Variants in KCNQ5 observed in about 807,000 individuals in gnomAD.
The protein encoded by KCNQ5 is potassium voltage-gated channel subfamily Q member 5, also known as potassium voltage-gated channel subfamily KQT member 5.
Under a neutral mutation model 98.2 loss-of-function variants are expected in KCNQ5, and 30 were observed. The ratio of observed to expected loss-of-function variants is 0.31; its 90% CI spans 0.23 to 0.41. The LOEUF is 0.41. Ranked by LOEUF, KCNQ5 falls within the 10% of genes least tolerant of loss-of-function variation. The pLI, the probability that KCNQ5 is intolerant of heterozygous loss-of-function variation, is 1.00. For synonymous variants in KCNQ5, 458 were observed against 449.4 expected (o/e 1.02, Z -0.24); for missense variants, 835 against 1,182.5 (o/e 0.71, Z 4.31).
At chr6:73,154,911 A>G (rs957487607) in intron 10 of KCNQ5, among the ~76,000 whole-genome samples, 5 of 152,232 alleles carry the variant, frequency 3.3e-5, no homozygotes, top group Non-Finnish European at 5.9e-5. Context: ...AAAATTAACC[A>G]TAGTACAACA....
intron 8 of KCNQ5, 131 bp from the exon 9 acceptor site, chr6:73,124,355 T>G: frequency 1.3e-6 from 1 of 774,648 alleles, no homozygotes; most frequent in Non-Finnish European, 2.2e-6. Context: ...GAACACTGCT[T>G]TTGTGGATCT....
At chr6:72,863,109 C>T (rs1212967487) in intron 1 of KCNQ5, among the ~76,000 whole-genome samples, 2 of 152,116 alleles carry the variant, frequency 1.3e-5, no homozygotes, top group Non-Finnish European at 2.9e-5. Flanking sequence ...TAAACGTACC[C>T]TGTAAAGTGT....
At chr6:73,044,683 T>C (rs1771881939) in intron 3 of KCNQ5, among the ~76,000 whole-genome samples, 1 of 152,220 alleles carries the variant, frequency 6.6e-6, no homozygotes, top group African/African-American at 2.4e-5. Flanking sequence ...ATAAAAACGC[T>C]TGATGTAACT....
At chr6:73,148,353 A>T (rs1777003218) in intron 10 of KCNQ5, among the ~76,000 whole-genome samples, 1 of 152,192 alleles carries the variant, frequency 6.6e-6, no homozygotes, top group Non-Finnish European at 1.5e-5. Flanking sequence ...ACTCAGTGTA[A>T]ATGGGGTCTT....
intron 3 of KCNQ5, among the ~76,000 whole-genome samples, chr6:73,048,862 T>A (rs1244163015): frequency 1.3e-5 from 2 of 152,206 alleles, no homozygotes; most frequent in Admixed American, 6.5e-5. Context: ...AGTAAGCAGT[T>A]CCTAAGATCC....
At chr6:73,151,303 T>C (rs748399315) in intron 10 of KCNQ5, among the ~76,000 whole-genome samples, 1 of 152,242 alleles carries the variant, frequency 6.6e-6, no homozygotes, top group Non-Finnish European at 1.5e-5. Flanking sequence ...GATATTTACA[T>C]ATCTCCATAT....
At chr6:72,680,496 C>G (rs761335850) in intron 1 of KCNQ5, among the ~76,000 whole-genome samples, 2 of 152,120 alleles carry the variant, frequency 1.3e-5, no homozygotes, top group South Asian at 4.1e-4. Flanking sequence ...GCAGGAATAC[C>G]ATCCATGCTA....
intron 1 of KCNQ5, among the ~76,000 whole-genome samples, chr6:72,695,077 A>G (rs1768413080): frequency 6.6e-6 from 1 of 152,132 alleles, no homozygotes; most frequent in African/African-American, 2.4e-5. Flanking sequence ...TCCATGATAT[A>G]TATACATATA....
At chr6:73,081,896 A>G (rs1773788664) in intron 5 of KCNQ5, among the ~76,000 whole-genome samples, 1 of 152,204 alleles carries the variant, frequency 6.6e-6, no homozygotes, top group Non-Finnish European at 1.5e-5. Flanking sequence ...TTTCTGAGGA[A>G]GAATTCCTGA....
At chr6:73,157,960 G>C in intron 10 of KCNQ5, 1 of 766,706 alleles carries the variant, frequency 1.3e-6, no homozygotes, top group East Asian at 2.4e-5. Context: ...GTGAGCTTGA[G>C]TAGGGACTCT....
At chr6:72,680,712 C>A (rs527832262) in intron 1 of KCNQ5, among the ~76,000 whole-genome samples, 68 of 152,258 alleles carry the variant, frequency 4.5e-4, no homozygotes, top group African/African-American at 1.5e-3. Context: ...AATTCATTGT[C>A]TAGAACTCCC....
At chr6:73,018,287 T>C (rs1229084458) in intron 2 of KCNQ5, among the ~76,000 whole-genome samples, 3 of 151,998 alleles carry the variant, frequency 2.0e-5, no homozygotes, top group South Asian at 4.2e-4. Context: ...CCTACAGCGG[T>C]GGAGAATTGG....
In KCNQ5 at chr6:72,872,635, T is replaced by C. The variant is rs75015619; in HGVS notation, c.399-131273T>C. Among the ~76,000 whole-genome samples the C allele has an allele frequency of 6.2e-3, 951 of 152,218 alleles. 9 individuals carry two copies. The highest frequency in any genetic ancestry group is 0.02 in the African/African-American group (839 of 41,540). ...AATTCAGCCAAGGTCACACAACTGGTAATTCTTAGAGCCAGGATTTGAACC... is the reference window on the plus strand; with the variant it reads ...AATTCAGCCAAGGTCACACAACTGGCAATTCTTAGAGCCAGGATTTGAACC... On this transcript the variant is annotated intron_variant, in intron 1 of 13. Transcript: ENST00000370398.
intron 1 of KCNQ5, among the ~76,000 whole-genome samples, chr6:72,803,689 A>G (rs1425535297): frequency 6.6e-6 from 1 of 152,186 alleles, no homozygotes; most frequent in Non-Finnish European, 1.5e-5. Context: ...CCTAGAAAGT[A>G]TTAGACCTAC....
chr6:72,706,917 C>T (rs922549650), intron 1 of KCNQ5, among the ~76,000 whole-genome samples: 1 of 152,106 alleles, frequency 6.6e-6, no homozygotes, highest in Non-Finnish European at 1.5e-5. Context: ...TATATATAAA[C>T]ATGAAGACAC....
At chr6:73,168,719 A>C (rs1481957689) in intron 10 of KCNQ5, among the ~76,000 whole-genome samples, 1 of 152,200 alleles carries the variant, frequency 6.6e-6, no homozygotes, top group Non-Finnish European at 1.5e-5. Context: ...CTCAAAAAAA[A>C]AAAGGTATTT....
At chr6:73,070,392 A>T (rs534054483) in intron 3 of KCNQ5, among the ~76,000 whole-genome samples, 5 of 152,194 alleles carry the variant, frequency 3.3e-5, no homozygotes, top group Non-Finnish European at 7.3e-5. Context: ...TCTCTACTTC[A>T]CCACAGAGAC....
At chr6:72,970,869 C>A (rs1458992915) in intron 1 of KCNQ5, among the ~76,000 whole-genome samples, 1 of 151,954 alleles carries the variant, frequency 6.6e-6, no homozygotes, top group Non-Finnish European at 1.5e-5. Context: ...TAAAGACTTA[C>A]ATGTTAGACC....
intron 5 of KCNQ5, among the ~76,000 whole-genome samples, chr6:73,099,774 C>A (rs139479654): frequency 0.01 from 1,585 of 152,260 alleles, 38 homozygotes; most frequent in African/African-American, 0.037. Context: ...ACAGATCATC[C>A]AGACAGAAAA....
Sources: gnomAD v4.1 joint callset for allele counts (sites outside exome capture counted in the v4.1 genomes callset) on GRCh38, gnomAD v4.1.1 for gene constraint, MANE v1.5 for transcripts, NCBI Gene and HGNC (gene_info 2026-07-23, HGNC 2026-07-21) for gene names.